The following GDF5 variants were observed in gnomAD, a reference collection of about 807,000 sequenced individuals.
The protein encoded by GDF5 is growth differentiation factor 5.
GDF5 carries 17 observed loss-of-function variants against 34.6 expected under a neutral mutation model. That is an observed-to-expected ratio of 0.49 (90% CI 0.34 to 0.74). The LOEUF is 0.74. Among genes scored for constraint, GDF5 ranks in the 30% least tolerant of loss-of-function variants. The pLI is 0.01. For synonymous variants in GDF5, 332 were observed against 290.7 expected (o/e 1.14, Z -1.44); for missense variants, 616 against 661.2 (o/e 0.93, Z 0.75).
intron 1 of GDF5, chr20:35,453,895 T>C (rs1467013592): frequency 1.9e-6 from 1 of 534,390 alleles, no homozygotes; most frequent in Non-Finnish European, 3.8e-6. Context: ...TATAGTCAGA[T>C]GACCAAATTA....
Position 35,434,248 on chromosome 20 carries a change from G to C in GDF5, c.1167C>G (p.Gly389=), listed in dbSNP as rs375559671. The change falls in exon 2 of 2, where the codon GGC becomes GGG. Residue 389 remains glycine (G), a synonymous_variant. Transcript: ENST00000374369. ...CCTTAAGGTTCTTGCTGGGTCGCTT[G>C]CCCTGGCGAGTGGCCAGTGGGGCCC... ...KRRAPLATRQ[G]KRPSKNLKAR... 1.2e-6 allele frequency: 2 copies of C among 1,613,932 alleles called. No homozygotes were observed. Among genetic ancestry groups the C allele is most frequent in the Non-Finnish European group, 1.7e-6 (2 of 1,180,032 alleles).
At position 35,434,536 on chromosome 20, in the gene GDF5, C is replaced by G. The variant is rs1601071145; in HGVS notation, c.879G>C (p.Val293=). The change falls in exon 2 of 2, where the codon GTG becomes GTC. Residue 293 remains valine, a synonymous_variant. Transcript: ENST00000374369. ...VPGLDGSGWE[V]FDIWKLFRNF... ...TTCGGAAGAGCTTCCAGATGTCGAA[C>G]ACCTCCCAGCCAGATCCGTCCAGGC... 4 of 1,600,994 alleles carry G rather than the reference C, an allele frequency of 2.5e-6. No individual in the cohort carries two copies. Among genetic ancestry groups the G allele is most frequent in the Non-Finnish European group, 3.4e-6 (4 of 1,172,904 alleles).
In GDF5 at chr20:35,437,651, T is replaced by G; in HGVS notation, c.278A>C (p.Glu93Ala). 6.2e-7 allele frequency: 1 copy of G among 1,614,132 alleles called. No homozygotes were observed. Among genetic ancestry groups the G allele is most frequent in the Non-Finnish European group, 8.5e-7 (1 of 1,180,006 alleles). The change falls in exon 1 of 2, where the codon GAA becomes GCA. Residue 93 changes from glutamate (E) to alanine (A), a missense_variant. Glu to Ala is a moderately radical substitution (Grantham distance 107). Coordinates refer to ENST00000374369, the MANE Select transcript of GDF5 (RefSeq NM_000557.5). ...TGGLTQPKKD[E>A]PKKLPPRPGG... The stretch of plus-strand genomic sequence containing the variant: ...CGGTCTGGGGGGCAGCTTTTTGGGT[T>G]CATCCTTCTTGGGCTGTGTCAGGCC...
rs1188559264 is a variant in GDF5, at chr20:35,433,537, T to TG, written c.*371dup. The TG allele has an allele frequency of 5.7e-6, 2 of 353,338 alleles. No individual in the cohort carries two copies. Among genetic ancestry groups the TG allele is most frequent in the Non-Finnish European group, 1.1e-5 (2 of 181,466 alleles). 21.9% of individuals were successfully genotyped at this position (353,338 alleles called of 1,614,324 possible). A position where few individuals can be genotyped will look rare whatever the true frequency, so the allele number is the denominator to read the frequency against. On this transcript the variant is annotated 3_prime_UTR_variant, in exon 2 of 2. Transcript: ENST00000374369. Reference sequence around the variant, plus strand: ...TGATTTGAGGAGGCAGTGGCACCTGTGGCTCTCCTGAGAGGTGCTTAGGAG... The same window carrying TG: ...TGATTTGAGGAGGCAGTGGCACCTGTGGGCTCTCCTGAGAGGTGCTTAGGAG...
At chr20:35,436,642 T>G (rs2062473928) in intron 1 of GDF5, among the ~76,000 whole-genome samples, 1 of 152,080 alleles carries the variant, frequency 6.6e-6, no homozygotes, top group South Asian at 2.1e-4. Flanking sequence ...CATCTAAAGT[T>G]TTCATGTTGG....
rs2062531145 is a variant in GDF5, at chr20:35,451,072, T to TATATATATATAA, written c.-398+3567_-398+3568insTTATATATATAT. On this transcript the variant is annotated intron_variant, in intron 1 of 3. Coordinates refer to the GDF5 transcript ENST00000374372. ...AAAAAAAAAAAAAAAAAAATATATA[T>TATATATATATAA]ATATATATATATATATATATACACA... Among the ~76,000 whole-genome samples, 13 of 41,402 alleles carry TATATATATATAA rather than the reference T, an allele frequency of 3.1e-4. 3 individuals carry two copies. The highest frequency in any genetic ancestry group is 4.8e-4 in the Non-Finnish European group (12 of 24,924). The allele number at this position is 41,402 out of a possible 152,430, so 27.2% of individuals were successfully genotyped here. A position where few individuals can be genotyped will look rare whatever the true frequency, so the allele number is the denominator to read the frequency against.
rs752406359 is a variant in GDF5, at chr20:35,437,778, G to C, written c.151C>G (p.Pro51Ala). The change falls in exon 1 of 2, where the codon CCC becomes GCC. Residue 51 changes from proline to alanine, a missense_variant. By Grantham distance (27) the Pro-to-Ala change is conservative. Coordinates refer to ENST00000374369, the MANE Select transcript of GDF5 (RefSeq NM_000557.5). ...GLAKAEAKER[P>A]PLARNVFRPG... ...CTGAAGACGTTCCGGGCCAGGGGGG[G>C]CCTCTCCTTGGCCTCTGCTTTGGCC... 3.7e-6 allele frequency: 6 copies of C among 1,612,970 alleles called. No individual in the cohort carries two copies. In the African/African-American group the frequency reaches 5.3e-5, roughly 14 times the overall value.
rs61754581 is a variant in GDF5, at chr20:35,437,432, G to A, written c.497C>T (p.Pro166Leu). The A allele has an allele frequency of 4.3e-6, 7 of 1,613,786 alleles. No homozygotes were observed. The highest frequency in any genetic ancestry group is 5.9e-6 in the Non-Finnish European group (7 of 1,179,730). The change falls in exon 1 of 2, where the codon CCC (proline) becomes CTC (leucine). Residue 166 changes from proline to leucine, a missense_variant. By Grantham distance (98) the Pro-to-Leu change is moderately conservative (BLOSUM62 -3). Transcript: ENST00000374369. ...REPKEPFRPP[P>L]ITPHEYMLSL... ...GAGCATGTACTCGTGGGGTGTGATG[G>A]GGGGTGGGCGAAACGGCTCCTTGGG...
At position 35,434,493 on chromosome 20, in the gene GDF5, G is replaced by T. The variant is rs867252045; in HGVS notation, c.922C>A (p.Gln308Lys). The change falls in exon 2 of 2, where the codon CAG (glutamine) becomes AAG (lysine). Residue 308 changes from glutamine to lysine, a missense_variant. Transcript: ENST00000374369. Reference protein sequence around the residue: ...KLFRNFKNSAQLCLELEAWER... With the variant: ...KLFRNFKNSAKLCLELEAWER... ...CAGGCCTCCAGCTCCAGGCACAGCT[G>T]GGCCGAGTTCTTAAAGTTTCGGAAG... 1 of 1,609,982 alleles carries T rather than the reference G, an allele frequency of 6.2e-7. No individual in the cohort carries two copies. The highest frequency in any genetic ancestry group is 8.5e-7 in the Non-Finnish European group (1 of 1,177,896).
chr20:35,447,021 T>G (rs2062516121), intron 1 of GDF5, among the ~76,000 whole-genome samples: 1 of 152,192 alleles, frequency 6.6e-6, no homozygotes, highest in African/African-American at 2.4e-5. Context: ...AGGGTACATG[T>G]GCACAGCATG....
At position 35,437,625 on chromosome 20, in the gene GDF5, C is replaced by T. The variant is rs1283943303; in HGVS notation, c.304G>A (p.Gly102Ser). The T allele has an allele frequency of 1.9e-6, 3 of 1,613,978 alleles. No individual in the cohort carries two copies. Among genetic ancestry groups the T allele is most frequent in the Admixed American group, 1.7e-5 (1 of 59,988 alleles). Residue 102 changes from glycine to serine, a missense_variant, in exon 1 of 2, where the codon GGC (glycine) becomes AGC (serine). By Grantham distance (56) the Gly-to-Ser change is moderately conservative. Transcript: ENST00000374369. ...TGTCCTGGCTTGGGTTCAGGGCCGC[C>T]CGGTCTGGGGGGCAGCTTTTTGGGT... The part of the protein sequence containing the change: ...DEPKKLPPRP[G>S]GPEPKPGHPP...
intron 1 of GDF5, among the ~76,000 whole-genome samples, chr20:35,451,915 C>T (rs1316408103): frequency 6.6e-6 from 1 of 152,176 alleles, no homozygotes; most frequent in Non-Finnish European, 1.5e-5. Flanking sequence ...TCCCCCAGGC[C>T]ATGGACTACT....
chr20:35,453,305 G>A (rs746906707), intron 1 of GDF5, among the ~76,000 whole-genome samples: 1 of 152,162 alleles, frequency 6.6e-6, no homozygotes, highest in Non-Finnish European at 1.5e-5. Context: ...ACTTTAGATA[G>A]CATGGTCAGG....
chr20:35,451,857 T>C (rs1168940574), intron 1 of GDF5, among the ~76,000 whole-genome samples: 1 of 152,134 alleles, frequency 6.6e-6, no homozygotes, highest in Non-Finnish European at 1.5e-5. Flanking sequence ...GTAAGACTGA[T>C]GTGGTGTACT....
At chr20:35,450,409 C>CT (rs2062527351) in intron 1 of GDF5, among the ~76,000 whole-genome samples, 1 of 151,970 alleles carries the variant, frequency 6.6e-6, no homozygotes, top group African/African-American at 2.4e-5. Context: ...AAGTGGTTGA[C>CT]TTTTTTTCCC....
At chr20:35,450,356 T>C (rs931173005) in intron 1 of GDF5, among the ~76,000 whole-genome samples, 4 of 152,060 alleles carry the variant, frequency 2.6e-5, no homozygotes, top group Non-Finnish European at 5.9e-5. Flanking sequence ...GACTATCGTT[T>C]TGGTGCTCCA....
chr20:35,435,171 C>T (rs1190335365), intron 1 of GDF5: 2 of 501,768 alleles, frequency 4.0e-6, no homozygotes, highest in African/African-American at 1.9e-5. Context: ...CTCCTGTTGA[C>T]TGGGCACAGT....
rs1167132767 is a variant in GDF5, at chr20:35,437,849, C to A, written c.80G>T (p.Gly27Val). The A allele has an allele frequency of 5.0e-6, 8 of 1,614,062 alleles. No homozygotes were observed. Among genetic ancestry groups the A allele is most frequent in the Non-Finnish European group, 6.8e-6 (8 of 1,179,996 alleles). The change falls in exon 1 of 2, where the codon GGT becomes GTT. Residue 27 changes from glycine (G) to valine (V), a missense_variant. Transcript: ENST00000374369. ...LDLEFICTVL[G>V]APDLGQRPQG... ...GGGTCTCTGGCCCAAGTCAGGGGCACCCAACACAGTGCAGATGAATTCCAG... is the reference window on the plus strand; with the variant it reads ...GGGTCTCTGGCCCAAGTCAGGGGCAACCAACACAGTGCAGATGAATTCCAG...
chr20:35,453,073 C>T (rs1168067849), intron 1 of GDF5, among the ~76,000 whole-genome samples: 1 of 151,958 alleles, frequency 6.6e-6, no homozygotes, highest in East Asian at 1.9e-4. Context: ...CACGGTGAAA[C>T]CCCGTCTCTA....
Sources: allele counts gnomAD v4.1 joint callset (sites outside exome capture counted in the v4.1 genomes callset), GRCh38; gene constraint gnomAD v4.1.1; transcripts MANE v1.5; gene names NCBI Gene and HGNC (gene_info 2026-07-23, HGNC 2026-07-21).